Variants in GPAA1 observed in about 807,000 individuals in gnomAD.
GPAA1 encodes the protein GPI-anchor transamidase component GPAA1.
In GPAA1, 54 loss-of-function variants were observed where a neutral mutation model predicts 64.0. The observed-to-expected ratio is 0.84, with a 90% CI of 0.68 to 1.06. GPAA1 has a LOEUF of 1.06. Among genes scored for constraint, GPAA1 ranks in the 50% least tolerant of loss-of-function variants. The probability of loss-of-function intolerance (pLI) is 0.00; values close to 1 mark genes in which losing one functional copy is unlikely to be tolerated. For synonymous variants in GPAA1, 393 were observed against 377.3 expected (o/e 1.04, Z -0.48); for missense variants, 780 against 822.3 (o/e 0.95, Z 0.63).
At position 144,084,618 on chromosome 8, in the gene GPAA1, T is replaced by G. The variant is rs1835966552; in HGVS notation, c.1010+9T>G. 1.2e-6 allele frequency: 2 copies of G among 1,608,882 alleles called. No homozygotes were observed. The highest frequency in any genetic ancestry group is 1.7e-6 in the Non-Finnish European group (2 of 1,175,924). ...CTGGTGGCAGTGGGCAAGTAAGTAGTCTCTGGTCCCCCCTTTCCATGCCCA... is the reference window on the plus strand; with the variant it reads ...CTGGTGGCAGTGGGCAAGTAAGTAGGCTCTGGTCCCCCCTTTCCATGCCCA... On this transcript the variant is annotated intron_variant, in intron 7 of 11. Transcript: ENST00000355091.
At chr8:144,083,075 C>T (rs201543347) in intron 1 of GPAA1, 49 bp from the exon 2 acceptor site, 2 of 1,545,464 alleles carry the variant, frequency 1.3e-6, no homozygotes, top group Admixed American at 1.8e-5. Context: ...CTCGGGTCGG[C>T]GTCTGAGGAC....
intron 2 of GPAA1, 39 bp from the exon 3 acceptor site, chr8:144,083,350 C>T (rs782306933): frequency 6.2e-7 from 1 of 1,611,376 alleles, no homozygotes; most frequent in Non-Finnish European, 8.5e-7. Context: ...GTGGCTAAGG[C>T]CGGGGAGCTC....
At position 144,084,137 on chromosome 8, in the gene GPAA1, T is replaced by C; in HGVS notation, c.620T>C (p.Met207Thr). 1 of 1,613,522 alleles carries C rather than the reference T, an allele frequency of 6.2e-7. No homozygotes were observed. The highest frequency in any genetic ancestry group is 8.5e-7 in the Non-Finnish European group (1 of 1,179,918). ...EAYHDVNVTG[M>T]QSSPLQGRAG... ...ACTCATTCACTTGCTCCTACAGGCA[T>C]GCAGTCGTCTCCCCTGCAGGGCCGA... The change falls in exon 6 of 12, where the codon ATG becomes ACG. Residue 207 changes from methionine (M) to threonine (T), a missense_variant. By Grantham distance (81) the Met-to-Thr change is moderately conservative. Transcript: ENST00000355091.
Position 144,083,422 on chromosome 8 carries a change from G to T in GPAA1, c.288G>T (p.Met96Ile), listed in dbSNP as rs1258155544. The change falls in exon 3 of 12, where the codon ATG (methionine) becomes ATT (isoleucine). Residue 96 changes from methionine (M) to isoleucine (I), a missense_variant. Coordinates refer to ENST00000355091, the MANE Select transcript of GPAA1 (RefSeq NM_003801.4). Reference protein sequence around the residue: ...ALPVAWLERTMRSVGLEVYTQ... With the variant: ...ALPVAWLERTIRSVGLEVYTQ... ...CAGTGGCCTGGCTTGAACGGACGAT[G>T]CGGTCAGTAGGGCTGGAGGTCTACA... The T allele has an allele frequency of 1.2e-6, 2 of 1,613,594 alleles. No individual in the cohort carries two copies. Among genetic ancestry groups the T allele is most frequent in the Non-Finnish European group, 1.7e-6 (2 of 1,179,978 alleles).
chr8:144,085,378 C>G lies in GPAA1; in HGVS notation c.1350C>G (p.His450Gln). Reference protein sequence around the residue: ...ALYVLPVLGQHVATQHFPVAE... With the variant: ...ALYVLPVLGQQVATQHFPVAE... ...ATGTCCTGCCAGTGCTGGGCCAACA[C>G]GTTGCCACCCAGCACTTCCCAGTGG... Residue 450 changes from histidine to glutamine, a missense_variant, in exon 10 of 12, where the codon CAC (histidine) becomes CAG (glutamine). By Grantham distance (24) the His-to-Gln change is conservative. Coordinates refer to ENST00000355091, the MANE Select transcript of GPAA1 (RefSeq NM_003801.4). 2 of 1,608,676 alleles carry G rather than the reference C, an allele frequency of 1.2e-6. No homozygotes were observed. Among genetic ancestry groups the G allele is most frequent in the Non-Finnish European group, 1.7e-6 (2 of 1,179,850 alleles).
Position 144,082,774 on chromosome 8 carries a change from G to A in GPAA1, c.44G>A (p.Arg15His), listed in dbSNP as rs1308675369. 6.8e-7 allele frequency: 1 copy of A among 1,466,156 alleles called. No homozygotes were observed. The highest frequency in any genetic ancestry group is 2.4e-5 in the Admixed American group (1 of 41,210). 90.8% of individuals were successfully genotyped at this position (1,466,156 alleles called of 1,614,324 possible). Reference sequence around the variant, plus strand: ...CCGGTTCGCCGGCGCGCGCTCGCCCGCCTAGTGCTGCGCCTCAACGCGCCG... The same window carrying A: ...CCGGTTCGCCGGCGCGCGCTCGCCCACCTAGTGCTGCGCCTCAACGCGCCG... ...SDPVRRRALA[R>H]LVLRLNAPLC... Residue 15 changes from arginine to histidine, a missense_variant, in exon 1 of 12, where the codon CGC becomes CAC. Arg to His is a conservative substitution (Grantham distance 29). Transcript: ENST00000355091.
At position 144,084,439 on chromosome 8, in the gene GPAA1, G is replaced by A. The variant is rs907053189; in HGVS notation, c.840G>A (p.Leu280=). The A allele has an allele frequency of 6.2e-7, 1 of 1,612,672 alleles. No individual in the cohort carries two copies. The highest frequency in any genetic ancestry group is 1.3e-5 in the African/African-American group (1 of 74,930). The change falls in exon 7 of 12, where the codon TTG becomes TTA. Residue 280 remains leucine, a synonymous_variant. Transcript: ENST00000355091. ...TGCAGCCCGAGGACTGGACATCATTGGATGGACCGCTGCAGGGCCTGCAGA... is the reference window on the plus strand; with the variant it reads ...TGCAGCCCGAGGACTGGACATCATTAGATGGACCGCTGCAGGGCCTGCAGA... The part of the protein sequence containing the change: ...GKLQPEDWTS[L]DGPLQGLQTL...
At position 144,083,212 on chromosome 8, in the gene GPAA1, A is replaced by G. The variant is rs782306067; in HGVS notation, c.163A>G (p.Met55Val). Residue 55 changes from methionine (M) to valine (V), a missense_variant, in exon 2 of 12, where the codon ATG (methionine) becomes GTG (valine). Transcript: ENST00000355091. Reference sequence around the variant, plus strand: ...GCGCACTTACATGTCGGAGAACGCCATGGGCTCCACCATGGTGGAGGAGCA... The same window carrying G: ...GCGCACTTACATGTCGGAGAACGCCGTGGGCTCCACCATGGTGGAGGAGCA... The part of the protein sequence containing the change: ...TQRTYMSENA[M>V]GSTMVEEQFA... 7.4e-6 allele frequency: 12 copies of G among 1,612,638 alleles called. No homozygotes were observed. In the South Asian group the frequency reaches 7.7e-5, roughly 10 times the overall value.
Position 144,083,326 on chromosome 8 carries a change from T to A in GPAA1, c.254+23T>A, listed in dbSNP as rs782251533. On this transcript the variant is annotated intron_variant, in intron 2 of 11. Transcript: ENST00000355091. Reference sequence around the variant, plus strand: ...GGGGTGAGCGGCAGAGCAGGGCGTATGGGGCGAGCAGTGGTGGCTAAGGCC... The same window carrying A: ...GGGGTGAGCGGCAGAGCAGGGCGTAAGGGGCGAGCAGTGGTGGCTAAGGCC... 9 of 1,610,460 alleles carry A rather than the reference T, an allele frequency of 5.6e-6. No individual in the cohort carries two copies. The Middle Eastern group carries it at 9.9e-4, about 177-fold the overall frequency.
In GPAA1 at chr8:144,083,013, G is replaced by C; in HGVS notation, c.75-111G>C. 3 of 1,048,894 alleles carry C rather than the reference G, an allele frequency of 2.9e-6. No homozygotes were observed. In the South Asian group the frequency reaches 4.6e-5, roughly 16 times the overall value. 65.0% of individuals were successfully genotyped at this position (1,048,894 alleles called of 1,614,324 possible). A position where few individuals can be genotyped will look rare whatever the true frequency, so the allele number is the denominator to read the frequency against. On this transcript the variant is annotated intron_variant, in intron 1 of 11. Coordinates refer to ENST00000355091, the MANE Select transcript of GPAA1 (RefSeq NM_003801.4). ...TCCGGCGTCCCGATGCAGGACTCCG[G>C]GTTTAGGTCTCCCAGACCCGCGCGA...
Position 144,083,840 on chromosome 8 carries a change from G to A in GPAA1, c.493G>A (p.Ala165Thr). Residue 165 changes from alanine (A) to threonine (T), a missense_variant, in exon 4 of 12, where the codon GCA becomes ACA. Ala to Thr is a moderately conservative substitution (Grantham distance 58). Transcript: ENST00000355091. Reference sequence around the variant, plus strand: ...CAGCCAGGCTGTGGGGCTGCTGCTGGCACTGGCTGCCCACTTCCGGGGTGA... The same window carrying A: ...CAGCCAGGCTGTGGGGCTGCTGCTGACACTGGCTGCCCACTTCCGGGGTGA... Reference protein sequence around the residue: ...TNSQAVGLLLALAAHFRGQIY... With the variant: ...TNSQAVGLLLTLAAHFRGQIY... 1 of 1,612,290 alleles carries A rather than the reference G, an allele frequency of 6.2e-7. No homozygotes were observed.
rs1835993476 is a variant in GPAA1 at position 144,086,187 on chromosome 8, GAAAT to G, written c.*67_*70del. 3 of 1,543,538 alleles carry G rather than the reference GAAAT, an allele frequency of 1.9e-6. No individual in the cohort carries two copies. In the South Asian group the frequency reaches 3.4e-5, roughly 18 times the overall value. ...GGACCCCATTCTGCCTCCTTCTGGG[GAAAT>G]AAATGAGTGTCTGTTTCAGCAGCTA... On this transcript the variant is annotated 3_prime_UTR_variant, in exon 12 of 12. Transcript: ENST00000355091.
Position 144,085,351 on chromosome 8 carries a change from C to T in GPAA1, c.1323C>T (p.Leu441=). 1 of 1,610,132 alleles carries T rather than the reference C, an allele frequency of 6.2e-7. No individual in the cohort carries two copies. Among genetic ancestry groups the T allele is most frequent in the Non-Finnish European group, 8.5e-7 (1 of 1,179,798 alleles). ...TCTCACAGGCCATGGGACTGGCCCT[C>T]TATGTCCTGCCAGTGCTGGGCCAAC... ...LLISQAMGLA[L]YVLPVLGQHV... is the part of the protein sequence containing the mutation. The change falls in exon 10 of 12, where the codon CTC becomes CTT. Residue 441 remains leucine, a synonymous_variant. Coordinates refer to ENST00000355091, the MANE Select transcript of GPAA1 (RefSeq NM_003801.4).
At chr8:144,085,184 A>C (rs1554764170) in intron 9 of GPAA1, 46 bp downstream of exon 9, 1 of 1,462,664 alleles carries the variant, frequency 6.8e-7, no homozygotes, top group African/African-American at 1.4e-5. Context: ...CTGGGGTCTG[A>C]CTGGTGTTTA....
chr8:144,082,746 G>A lies in GPAA1; in HGVS notation c.16G>A (p.Asp6Asn). Reference protein sequence around the residue: MGLLSDPVRRRALARL... With the variant: MGLLSNPVRRRALARL... ...CTGCCCCGCCATGGGCCTCCTGTCG[G>A]ACCCGGTTCGCCGGCGCGCGCTCGC... The change falls in exon 1 of 12, where the codon GAC (aspartate) becomes AAC (asparagine). Residue 6 changes from aspartate (D) to asparagine (N), a missense_variant. Physicochemically the swap from Asp to Asn is conservative, Grantham distance 23. Coordinates refer to ENST00000355091, the MANE Select transcript of GPAA1 (RefSeq NM_003801.4). The A allele has an allele frequency of 1.4e-6, 2 of 1,464,578 alleles. No individual in the cohort carries two copies. Among genetic ancestry groups the A allele is most frequent in the Non-Finnish European group, 1.8e-6 (2 of 1,114,382 alleles). The allele number at this position is 1,464,578 out of a possible 1,614,324, so 90.7% of individuals were successfully genotyped here. A position where few individuals can be genotyped will look rare whatever the true frequency, so the allele number is the denominator to read the frequency against.
intron 1 of GPAA1, 59 bp downstream of exon 1, chr8:144,082,863 C>A: frequency 7.8e-7 from 1 of 1,275,580 alleles, no homozygotes; most frequent in Non-Finnish European, 1.0e-6. Flanking sequence ...GCCGGCGGCC[C>A]CATGCGCGGT....
rs144066223 is a variant in GPAA1, at chr8:144,086,107, T to C, written c.1848T>C (p.Asn616=). The C allele has an allele frequency of 6.2e-7, 1 of 1,613,258 alleles. No individual in the cohort carries two copies. The highest frequency in any genetic ancestry group is 8.5e-7 in the Non-Finnish European group (1 of 1,179,820). ...ACCCCTGCTGGCTGCTTTTCTGGAA[T>C]GTGCTCTTCTGGAAGTGAGATCTGC... ...GLYPCWLLFW[N]VLFWK The change falls in exon 12 of 12, where the codon AAT becomes AAC. Residue 616 remains asparagine (N), a synonymous_variant. Transcript: ENST00000355091.
chr8:144,082,857 G>A (rs1835931475), intron 1 of GPAA1, 53 bp downstream of exon 1: 1 of 1,283,358 alleles, frequency 7.8e-7, no homozygotes, highest in African/African-American at 1.6e-5. Context: ...GCTCGCGCCG[G>A]CGGCCCCATG....
At chr8:144,083,071 T>G in intron 1 of GPAA1, 53 bp from the exon 2 acceptor site, 1 of 1,526,070 alleles carries the variant, frequency 6.6e-7, no homozygotes, top group South Asian at 1.1e-5. Context: ...TGGCCTCGGG[T>G]CGGCGTCTGA....
Sources: allele counts gnomAD v4.1 joint callset, GRCh38; gene constraint gnomAD v4.1.1; transcripts MANE v1.5; gene names NCBI Gene and HGNC (gene_info 2026-07-23, HGNC 2026-07-21).